CNBD1: variants seen among roughly 807,000 people sequenced by gnomAD.
CNBD1 encodes cyclic nucleotide-binding domain-containing protein 1.
CNBD1 carries 71 observed loss-of-function variants against 54.4 expected under a neutral mutation model. The ratio of observed to expected loss-of-function variants is 1.30; its 90% confidence interval spans 1.08 to 1.59. CNBD1 has a LOEUF of 1.59. Ranked by LOEUF, CNBD1 falls within the 40% of genes most tolerant of loss-of-function variation. The pLI, the probability that CNBD1 is intolerant of heterozygous loss-of-function variation, is 0.00. For missense variants in CNBD1, 659 were observed against 518.0 expected, an observed-to-expected ratio of 1.27 and a Z score of -2.64; for synonymous variants, 182 against 170.7, an observed-to-expected ratio of 1.07 and a Z score of -0.51.
intron 4 of CNBD1, among the ~76,000 whole-genome samples, chr8:87,042,808 T>C (rs1362227525): frequency 6.6e-6 from 1 of 152,088 alleles, no homozygotes; most frequent in Non-Finnish European, 1.5e-5. Context: ...TGGTAGATTG[T>C]ATTATAAATA....
chr8:87,128,206 C>G (rs149463403), intron 4 of CNBD1, among the ~76,000 whole-genome samples: 70 of 152,326 alleles, frequency 4.6e-4, no homozygotes, highest in African/African-American at 1.6e-3. Flanking sequence ...GGAAGCCGAA[C>G]AAGTACCTGG....
At chr8:86,956,663 T>A (rs140825226) in intron 4 of CNBD1, among the ~76,000 whole-genome samples, 3,817 of 152,290 alleles carry the variant, frequency 0.025, 76 homozygotes, top group South Asian at 0.041. Flanking sequence ...TGCTTGTGAT[T>A]TTTGCACATT....
At chr8:87,263,520 T>A (rs1365280637) in intron 6 of CNBD1, among the ~76,000 whole-genome samples, 1 of 152,092 alleles carries the variant, frequency 6.6e-6, no homozygotes, top group Admixed American at 6.6e-5. Flanking sequence ...CAAACAAAAT[T>A]GTTTTCAGTA....
At chr8:86,880,454 T>C (rs1808590831) in intron 1 of CNBD1, among the ~76,000 whole-genome samples, 1 of 152,180 alleles carries the variant, frequency 6.6e-6, no homozygotes, top group African/African-American at 2.4e-5. Context: ...CTAGAGAAGA[T>C]TTATACTATA....
chr8:87,408,407 G>T (rs968018216), intron 2 of CNBD1, among the ~76,000 whole-genome samples: 9 of 151,956 alleles, frequency 5.9e-5, no homozygotes, highest in Non-Finnish European at 1.0e-4. Context: ...GTGTGTGTGT[G>T]TGTATAGACA....
Position 87,001,266 on chromosome 8 carries a change from T to A in CNBD1, c.431+61512T>A, listed in dbSNP as rs149214522. ...AGTGTCTCCATCTCATTCTCTTTTT[T>A]ATGGAATCTGGTGTCTTAGGTTGTA... On this transcript the variant is annotated intron_variant, in intron 4 of 10. Transcript: ENST00000518476. 3.1e-3 allele frequency among the ~76,000 whole-genome samples: 473 copies of A among 152,268 alleles called. 4 individuals are homozygous for A. Among genetic ancestry groups the A allele is most frequent in the African/African-American group, 0.011 (457 of 41,584 alleles).
chr8:87,054,565 G>A (rs975027562), intron 4 of CNBD1, among the ~76,000 whole-genome samples: 8 of 152,168 alleles, frequency 5.3e-5, no homozygotes, highest in Non-Finnish European at 8.8e-5. Flanking sequence ...ATATGCCCAG[G>A]TTGTAAAAAC....
chr8:87,422,651 G>A (rs1473572145), intron 2 of CNBD1, among the ~76,000 whole-genome samples: 2 of 152,142 alleles, frequency 1.3e-5, no homozygotes, highest in Non-Finnish European at 2.9e-5. Context: ...TTAGGTACCA[G>A]TACCATGCTG....
downstream of CNBD1, among the ~76,000 whole-genome samples, chr8:87,384,689 A>T (rs1166952134): frequency 2.6e-5 from 4 of 152,190 alleles, no homozygotes; most frequent in East Asian, 1.9e-4. Context: ...CTTACTAAGG[A>T]CTATCAAATG....
chr8:87,303,822 G>A (rs1809076613), intron 8 of CNBD1, among the ~76,000 whole-genome samples: 1 of 151,856 alleles, frequency 6.6e-6, no homozygotes, highest in Non-Finnish European at 1.5e-5. Flanking sequence ...CAACAAGTGG[G>A]CGAAGGATAT....
chr8:87,186,928 G>A (rs1392284218), intron 4 of CNBD1, among the ~76,000 whole-genome samples: 1 of 152,020 alleles, frequency 6.6e-6, no homozygotes, highest in African/African-American at 2.4e-5. Context: ...ATTTAGCTTA[G>A]AGATTTTTGG....
chr8:87,327,643 G>A (rs1380572234), intron 8 of CNBD1, among the ~76,000 whole-genome samples: 1 of 152,184 alleles, frequency 6.6e-6, no homozygotes, highest in Non-Finnish European at 1.5e-5. Flanking sequence ...GTGAGGCAGT[G>A]CCTCGCCCTG....
At chr8:86,973,144 G>C (rs185754959) in intron 4 of CNBD1, among the ~76,000 whole-genome samples, 1 of 152,208 alleles carries the variant, frequency 6.6e-6, no homozygotes, top group East Asian at 1.9e-4. Flanking sequence ...ACCTACTCTA[G>C]AATTGTATTC....
In CNBD1 at chr8:87,353,640, G is replaced by A; in HGVS notation, c.1157G>A (p.Arg386Lys). Residue 386 changes from arginine to lysine, a missense_variant, in exon 10 of 11, where the codon AGA (arginine) becomes AAA (lysine). Transcript: ENST00000518476. Reference protein sequence around the residue: ...FVKLRSNKVKRSQKLVYMGKL... With the variant: ...FVKLRSNKVKKSQKLVYMGKL... The stretch of plus-strand genomic sequence containing the variant: ...AATAATATATTTTTTTAACAGAAAA[G>A]ATCTCAAAAACTTGTTTATATGGGG... The A allele has an allele frequency of 6.4e-7, 1 of 1,571,598 alleles. No homozygotes were observed. The highest frequency in any genetic ancestry group is 8.7e-7 in the Non-Finnish European group (1 of 1,155,916).
At chr8:86,955,822 C>A (rs1807752022) in intron 4 of CNBD1, among the ~76,000 whole-genome samples, 1 of 152,140 alleles carries the variant, frequency 6.6e-6, no homozygotes, top group African/African-American at 2.4e-5. Flanking sequence ...TGTGCAGAAG[C>A]TCTTTAGTTT....
intron 4 of CNBD1, among the ~76,000 whole-genome samples, chr8:86,945,103 T>A (rs1358404374): frequency 6.6e-6 from 1 of 152,172 alleles, no homozygotes. Flanking sequence ...AATTATAAAA[T>A]ACTATGGTAA....
At chr8:86,907,292 G>A (rs933483745) in intron 3 of CNBD1, among the ~76,000 whole-genome samples, 1 of 152,192 alleles carries the variant, frequency 6.6e-6, no homozygotes, top group Non-Finnish European at 1.5e-5. Flanking sequence ...TGAACCACAT[G>A]CCCACCTGAA....
chr8:86,890,901 G>A (rs952809735), intron 2 of CNBD1, among the ~76,000 whole-genome samples: 1 of 150,740 alleles, frequency 6.6e-6, no homozygotes, highest in Non-Finnish European at 1.5e-5. Flanking sequence ...TGTCTTCTTT[G>A]GTAAAGTAGG....
intron 3 of CNBD1, among the ~76,000 whole-genome samples, chr8:86,929,822 T>C (rs1379213063): frequency 3.9e-5 from 6 of 152,164 alleles, no homozygotes; most frequent in African/African-American, 1.4e-4. Flanking sequence ...TGGCCATTCC[T>C]GCAACTATCC....
Sources: gnomAD v4.1 joint callset for allele counts (sites outside exome capture counted in the v4.1 genomes callset) on GRCh38, gnomAD v4.1.1 for gene constraint, MANE v1.5 for transcripts, NCBI Gene and HGNC (gene_info 2026-07-23, HGNC 2026-07-21) for gene names.